GET4: variants seen among roughly 807,000 people sequenced by gnomAD.
GET4 encodes the protein guided entry of tail-anchored proteins factor 4, also known as Golgi to ER traffic protein 4 homolog.
In GET4, 20 loss-of-function variants were observed where a neutral mutation model predicts 40.0. That is an observed-to-expected ratio of 0.50 (90% CI 0.35 to 0.73). The LOEUF is 0.73. GET4 is among the 30% of genes least tolerant of loss of function. The pLI, the probability that GET4 is intolerant of heterozygous loss-of-function variation, is 0.01. For synonymous variants in GET4, 280 were observed against 194.6 expected (o/e 1.44, Z -3.65); for missense variants, 557 against 454.0 (o/e 1.23, Z -2.06).
intron 5 of GET4, among the ~76,000 whole-genome samples, chr7:891,736 G>A (rs749352846): frequency 2.0e-5 from 3 of 152,254 alleles, no homozygotes; most frequent in East Asian, 1.9e-4. Flanking sequence ...AGCGTTGCCC[G>A]CTGCGGAGCT....
intron 1 of GET4, chr7:884,772 A>G (rs927151718): frequency 6.4e-6 from 1 of 156,908 alleles, no homozygotes; most frequent in Non-Finnish European, 1.4e-5. Flanking sequence ...TATCACCTCC[A>G]CTGCAATTGG....
intron 6 of GET4, among the ~76,000 whole-genome samples, chr7:892,646 A>G (rs1345904758): frequency 4.0e-5 from 2 of 50,352 alleles, no homozygotes; most frequent in Non-Finnish European, 1.0e-4. Context: ...TGTATGTGCA[A>G]GTGTAGACAT....
rs755859189 is a variant in GET4 at position 887,537 on chromosome 7, G to C, written c.466+18G>C. Reference sequence around the variant, plus strand: ...GTGGAAAGGTAGGCCTGGGGCCAGGGCAGGCGTGGGCACCTCTCTGCTCTC... The same window carrying C: ...GTGGAAAGGTAGGCCTGGGGCCAGGCCAGGCGTGGGCACCTCTCTGCTCTC... On this transcript the variant is annotated intron_variant, in intron 4 of 8. Transcript: ENST00000265857. 9.3e-6 allele frequency: 14 copies of C among 1,502,006 alleles called. No homozygotes were observed. In the Admixed American group the frequency reaches 2.5e-4, roughly 26 times the overall value. The allele number at this position is 1,502,006 out of a possible 1,614,324, so 93.0% of individuals were successfully genotyped here. A position where few individuals can be genotyped will look rare whatever the true frequency, so the allele number is the denominator to read the frequency against.
At chr7:877,334 C>T (rs1327238833) in intron 1 of GET4, among the ~76,000 whole-genome samples, 6 of 135,340 alleles carry the variant, frequency 4.4e-5, no homozygotes, top group Non-Finnish European at 9.7e-5. Context: ...CTCCCCCTGC[C>T]CCTCGTCTCT....
chr7:886,836 C>T (rs1000322171), intron 3 of GET4, among the ~76,000 whole-genome samples, 186 bp downstream of exon 3: 8 of 152,244 alleles, frequency 5.3e-5, no homozygotes, highest in African/African-American at 1.7e-4. Context: ...CTGGCGCGAG[C>T]ACACGGCAGG....
intron 2 of GET4, 129 bp from the exon 3 acceptor site, chr7:886,440 G>A (rs10267796): frequency 0.57 from 395,968 of 693,816 alleles, 113,913 homozygotes; most frequent in Admixed American, 0.62. Context: ...GCCAAGGGAC[G>A]TGGTGCTCAG....
chr7:887,932 GCT>G (rs780376523), intron 4 of GET4, among the ~76,000 whole-genome samples: 75 of 152,212 alleles, frequency 4.9e-4, no homozygotes, highest in Non-Finnish European at 7.9e-4. Flanking sequence ...GTGGGGTCTG[GCT>G]GTCTGCGTGG....
At chr7:882,335 C>T (rs1480426559) in intron 1 of GET4, 1 of 152,286 alleles carries the variant, frequency 6.6e-6, no homozygotes, top group Non-Finnish European at 1.5e-5. Context: ...CTCACAGCCA[C>T]AGCAGTTGAA....
intron 5 of GET4, 45 bp from the exon 6 acceptor site, chr7:892,233 C>A: frequency 6.3e-7 from 1 of 1,576,734 alleles, no homozygotes; most frequent in Non-Finnish European, 8.7e-7. Context: ...CGGGCAGAAG[C>A]TGTGTCCTCC....
At chr7:892,082 C>A (rs566848732) in intron 5 of GET4, among the ~76,000 whole-genome samples, 196 bp from the exon 6 acceptor site, 1 of 152,272 alleles carries the variant, frequency 6.6e-6, no homozygotes, top group South Asian at 2.1e-4. Context: ...ATTCTCTTCA[C>A]CTGTGAATTG....
rs994111794 is a variant in GET4 at position 889,525 on chromosome 7, CTGT to C, written c.467-1400_467-1398del. 5.6e-4 allele frequency among the ~76,000 whole-genome samples: 85 copies of C among 152,180 alleles called. 1 individual carries two copies. The highest frequency in any genetic ancestry group is 9.7e-4 in the Non-Finnish European group (66 of 67,998). On this transcript the variant is annotated intron_variant, in intron 4 of 8. Transcript: ENST00000265857. ...GGCAGCGGGAGGGCCCTGGAGGCTCCTGTTGGGCAGCGCAGTCAGGAAAGGGCC... is the reference window on the plus strand; with the variant it reads ...GGCAGCGGGAGGGCCCTGGAGGCTCCTGGGCAGCGCAGTCAGGAAAGGGCC...
At chr7:886,936 C>T in intron 3 of GET4, 1 of 532,398 alleles carries the variant, frequency 1.9e-6, no homozygotes. Flanking sequence ...TCCCCGCCAG[C>T]TGGCAAGGTG....
intron 6 of GET4, among the ~76,000 whole-genome samples, chr7:892,905 G>C (rs991817874): frequency 6.6e-6 from 1 of 151,420 alleles, no homozygotes; most frequent in Admixed American, 6.6e-5. Context: ...GGTAGCTGTG[G>C]GGGTGTGCAG....
intron 6 of GET4, 28 bp downstream of exon 6, chr7:892,446 G>A (rs1442786385): frequency 6.3e-7 from 1 of 1,581,256 alleles, no homozygotes; most frequent in Non-Finnish European, 8.7e-7. Context: ...GCAGGGGGAG[G>A]GGGCTGTGAA....
intron 1 of GET4, chr7:883,844 G>A (rs976389827): frequency 3.6e-5 from 37 of 1,018,238 alleles, no homozygotes; most frequent in Admixed American, 1.7e-4. Context: ...CGCCTTAGAC[G>A]GTTTGCCTGT....
At chr7:889,233 C>T (rs1366042635) in intron 4 of GET4, among the ~76,000 whole-genome samples, 6 of 152,350 alleles carry the variant, frequency 3.9e-5, no homozygotes, top group East Asian at 1.9e-4. Context: ...CCCAGGTCCC[C>T]GACACCGTGA....
chr7:883,859 G>A (rs953165323), intron 1 of GET4: 8 of 1,018,904 alleles, frequency 7.9e-6, no homozygotes, highest in Admixed American at 1.1e-4. Flanking sequence ...GCCTGTCACC[G>A]GCATTCCTGG....
intron 5 of GET4, among the ~76,000 whole-genome samples, chr7:891,488 G>A (rs949871849): frequency 5.3e-5 from 8 of 151,658 alleles, no homozygotes; most frequent in South Asian, 2.1e-4. Context: ...CTGCTCCTGC[G>A]TGGTCCCTTC....
At chr7:879,180 G>A (rs760380045) in intron 1 of GET4, among the ~76,000 whole-genome samples, 1 of 152,226 alleles carries the variant, frequency 6.6e-6, no homozygotes, top group Admixed American at 6.5e-5. Context: ...TGCCACTTTG[G>A]TTGTAGTTTG....
Sources: allele counts gnomAD v4.1 joint callset (sites outside exome capture counted in the v4.1 genomes callset), GRCh38; gene constraint gnomAD v4.1.1; transcripts MANE v1.5; gene names NCBI Gene and HGNC (gene_info 2026-07-23, HGNC 2026-07-21).